The following NRG2 variants were observed in gnomAD, a reference collection of about 807,000 sequenced individuals.
NRG2 encodes the protein neuregulin 2.
In NRG2, 27 loss-of-function variants were observed where a neutral mutation model predicts 73.9. The ratio of observed to expected loss-of-function variants is 0.37; its 90% confidence interval spans 0.27 to 0.50. NRG2 has a LOEUF of 0.50. NRG2 is among the 20% of genes least tolerant of loss of function. NRG2 has a pLI of 0.96. For missense variants in NRG2, 1,126 were observed against 1,210.1 expected (o/e 0.93, Z 1.03); for synonymous variants, 532 against 541.0 (o/e 0.98, Z 0.23).
intron 1 of NRG2, among the ~76,000 whole-genome samples, chr5:139,910,197 C>A (rs1240978884): frequency 6.6e-6 from 1 of 152,136 alleles, no homozygotes; most frequent in Non-Finnish European, 1.5e-5. Context: ...GTCAGCCAAC[C>A]CGGAAAGCCT....
At chr5:140,030,267 C>T (rs1451668807) in intron 1 of NRG2, among the ~76,000 whole-genome samples, 3 of 152,152 alleles carry the variant, frequency 2.0e-5, no homozygotes, top group African/African-American at 7.2e-5. Context: ...CCCATCAAAC[C>T]CACTGGGACT....
At chr5:139,947,281 T>C (rs966785723) in intron 1 of NRG2, among the ~76,000 whole-genome samples, 2 of 152,234 alleles carry the variant, frequency 1.3e-5, no homozygotes, top group African/African-American at 4.8e-5. Flanking sequence ...CAGCCTTCTG[T>C]ATCTAAAGAT....
chr5:139,943,199 T>C (rs561289369), intron 1 of NRG2, among the ~76,000 whole-genome samples: 3 of 152,120 alleles, frequency 2.0e-5, no homozygotes, highest in Non-Finnish European at 4.4e-5. Flanking sequence ...CAGGCTGGAG[T>C]GCAATGGCGC....
intron 1 of NRG2, among the ~76,000 whole-genome samples, chr5:139,889,860 A>G (rs1190399382): frequency 2.0e-5 from 3 of 152,228 alleles, no homozygotes; most frequent in East Asian, 1.9e-4. Flanking sequence ...GGAGATAAAT[A>G]ATAGCTCTTA....
chr5:139,902,645 A>G (rs1433860223), intron 1 of NRG2, among the ~76,000 whole-genome samples: 2 of 152,078 alleles, frequency 1.3e-5, no homozygotes, highest in Non-Finnish European at 2.9e-5. Context: ...CCTCCTTGAC[A>G]TTGAGAGAGT....
intron 1 of NRG2, among the ~76,000 whole-genome samples, chr5:139,892,184 G>A (rs1366395746): frequency 1.3e-5 from 2 of 152,312 alleles, no homozygotes; most frequent in Non-Finnish European, 2.9e-5. Flanking sequence ...GGAAAGAGAA[G>A]AATGTACACC....
rs1298488202 is a variant in NRG2 at position 139,851,411 on chromosome 5, A to C, written c.1772+193T>G. Among the ~76,000 whole-genome samples the C allele has an allele frequency of 6.6e-6, 1 of 152,246 alleles. No individual in the cohort carries two copies. The highest frequency in any genetic ancestry group is 1.5e-5 in the Non-Finnish European group (1 of 68,046). On this transcript the variant is annotated intron_variant, in intron 9 of 9. Coordinates refer to ENST00000361474, the MANE Select transcript of NRG2 (RefSeq NM_004883.3). This position sits in a 1 kb window ranked among gnomAD's most constrained non-coding sequence, Gnocchi z 4.2. ...CACCAGGGTCCACTGGCCCAACTCT[A>C]GTCCCAGTCTGTCATTAACATGCCG...
intron 1 of NRG2, among the ~76,000 whole-genome samples, chr5:139,979,992 A>G (rs918773359): frequency 6.6e-6 from 1 of 152,360 alleles, no homozygotes; most frequent in East Asian, 1.9e-4. Context: ...GAAATTTGGT[A>G]ACACCAGAAA....
intron 6 of NRG2, 109 bp downstream of exon 6, chr5:139,855,567 G>C (rs1465944451): frequency 1.1e-6 from 1 of 915,314 alleles, no homozygotes; most frequent in African/African-American, 1.6e-5. Flanking sequence ...GGGCCTAGGA[G>C]GGTATAGAGG....
chr5:139,911,918 G>A (rs2127196697), intron 1 of NRG2, among the ~76,000 whole-genome samples: 1 of 152,180 alleles, frequency 6.6e-6, no homozygotes, highest in South Asian at 2.1e-4. Flanking sequence ...GCTGGCCTGG[G>A]GGCTCTGGGG....
At chr5:139,918,101 T>G (rs2127212645) in intron 1 of NRG2, among the ~76,000 whole-genome samples, 1 of 152,370 alleles carries the variant, frequency 6.6e-6, no homozygotes, top group East Asian at 1.9e-4. Flanking sequence ...CGCGTGGATA[T>G]TCCATTGTCC....
At chr5:139,962,864 A>C (rs182219926) in intron 1 of NRG2, among the ~76,000 whole-genome samples, 31 of 152,320 alleles carry the variant, frequency 2.0e-4, no homozygotes, top group Admixed American at 1.8e-3. Flanking sequence ...CAGGCAGACC[A>C]GATACCAACA....
At chr5:139,910,804 T>G (rs1765522024) in intron 1 of NRG2, among the ~76,000 whole-genome samples, 1 of 152,116 alleles carries the variant, frequency 6.6e-6, no homozygotes, top group South Asian at 2.1e-4. Context: ...CACTCCCACA[T>G]TAGGAGGCTC....
At chr5:139,974,533 G>T (rs1486516682) in intron 1 of NRG2, among the ~76,000 whole-genome samples, 1 of 152,136 alleles carries the variant, frequency 6.6e-6, no homozygotes, top group Non-Finnish European at 1.5e-5. Flanking sequence ...CGAACAGCAA[G>T]GTGTCAGGTA....
chr5:140,001,303 G>A (rs147101255), intron 1 of NRG2, among the ~76,000 whole-genome samples: 10 of 152,182 alleles, frequency 6.6e-5, no homozygotes, highest in Admixed American at 2.0e-4. Context: ...ATACTTAAGC[G>A]TATTTAATAC....
At chr5:139,901,964 A>G (rs934891648) in intron 1 of NRG2, among the ~76,000 whole-genome samples, 3 of 152,240 alleles carry the variant, frequency 2.0e-5, no homozygotes, top group Non-Finnish European at 4.4e-5. Context: ...GATGCTGGGT[A>G]TGCAGGCTTA....
In NRG2 at chr5:140,042,721, G is replaced by A. The variant is rs1281421457; in HGVS notation, c.349C>T (p.Leu117Phe). The A allele has an allele frequency of 3.2e-6, 5 of 1,569,750 alleles. No homozygotes were observed. In the East Asian group the frequency reaches 1.2e-4, roughly 37 times the overall value. Residue 117 changes from leucine to phenylalanine, a missense_variant, in exon 1 of 10, where the codon CTC becomes TTC. Leu to Phe is a conservative substitution (Grantham distance 22). This residue lies in a region of NRG2 where 539 missense variants were observed against 703.2 expected (regional missense o/e 0.77). Transcript: ENST00000361474. ...GVSLACYSPS[L>F]KSVQDQAYKA... Reference sequence around the variant, plus strand: ...TACGCCTGGTCCTGCACTGACTTGAGGCTGGGCGAGTAGCAGGCGAGCGAC... The same window carrying A: ...TACGCCTGGTCCTGCACTGACTTGAAGCTGGGCGAGTAGCAGGCGAGCGAC...
In NRG2 at chr5:140,008,856, C is replaced by T. The variant is rs574444909; in HGVS notation, c.700+33514G>A. Reference sequence around the variant, plus strand: ...ATGTCTCTGCTACTTACTGTGTGGTCTTGAGCAAGTTACTTAACCTCTCTG... The same window carrying T: ...ATGTCTCTGCTACTTACTGTGTGGTTTTGAGCAAGTTACTTAACCTCTCTG... On this transcript the variant is annotated intron_variant, in intron 1 of 9. Coordinates refer to ENST00000361474, the MANE Select transcript of NRG2 (RefSeq NM_004883.3). The surrounding 1 kb of genome is among the most constrained non-coding windows in gnomAD (Gnocchi z 4.2). Among the ~76,000 whole-genome samples the T allele has an allele frequency of 3.3e-5, 5 of 152,262 alleles. No individual in the cohort carries two copies. The East Asian group carries it at 9.7e-4, about 29-fold the overall frequency.
rs1486969165 is a variant in NRG2 at position 139,851,435 on chromosome 5, C to T, written c.1772+169G>A. Among the ~76,000 whole-genome samples the T allele has an allele frequency of 2.0e-5, 3 of 152,216 alleles. No homozygotes were observed. The highest frequency in any genetic ancestry group is 2.0e-4 in the Admixed American group (3 of 15,292). On this transcript the variant is annotated intron_variant, in intron 9 of 9. Transcript: ENST00000361474. The surrounding 1 kb of genome is among the most constrained non-coding windows in gnomAD (Gnocchi z 4.2). ...TAGTCCCAGTCTGTCATTAACATGC[C>T]GATGGCTCTGAGCAGGCCATTTCAC...
Sources: gnomAD v4.1 joint callset for allele counts (sites outside exome capture counted in the v4.1 genomes callset) on GRCh38, gnomAD v4.1.1 for gene constraint, gnomAD v4.1.1 regional missense constraint, Gnocchi (gnomAD v3.1) non-coding constraint, MANE v1.5 for transcripts, NCBI Gene and HGNC (gene_info 2026-07-23, HGNC 2026-07-21) for gene names.